TWF2: variants seen among roughly 807,000 people sequenced by gnomAD.
The protein encoded by TWF2 is twinfilin actin binding protein 2, also known as twinfilin-2.
A neutral mutation model predicts 45.1 loss-of-function variants in TWF2; 15 were observed. The ratio of observed to expected loss-of-function variants is 0.33; its 90% CI spans 0.22 to 0.51. The LOEUF (loss-of-function observed/expected upper bound fraction) is 0.51, where lower values mean the gene tolerates loss of function less well. Among genes scored for constraint, TWF2 ranks in the 20% least tolerant of loss-of-function variants. The pLI is 0.97. For synonymous variants in TWF2, 177 were observed against 195.8 expected (o/e 0.90, Z 0.80); for missense variants, 423 against 469.1 (o/e 0.90, Z 0.91).
chr3:52,238,546 T>C (rs1427064862), intron 1 of TWF2, among the ~76,000 whole-genome samples: 3 of 152,158 alleles, frequency 2.0e-5, no homozygotes, highest in African/African-American at 7.2e-5. Context: ...AACACTGATG[T>C]CTAAAGAGGG....
At chr3:52,229,512 C>T (rs1699657759) in intron 8 of TWF2, 149 bp downstream of exon 8, 1 of 1,348,924 alleles carries the variant, frequency 7.4e-7, no homozygotes, top group East Asian at 2.4e-5. Flanking sequence ...AGCCTTGGGC[C>T]ATGCGTGTTG....
chr3:52,238,803 C>T (rs1699751969), intron 1 of TWF2, among the ~76,000 whole-genome samples, 189 bp downstream of exon 1: 1 of 152,248 alleles, frequency 6.6e-6, no homozygotes, highest in Admixed American at 6.5e-5. Context: ...CACATACACC[C>T]ACTCCCAGCT....
chr3:52,231,815 C>T lies in TWF2; in HGVS notation c.282+129G>A, dbSNP rs145600833. The stretch of plus-strand genomic sequence containing the variant: ...ACCCTCTCTCAGACTCCCTAGGGCA[C>T]GGCCTGACAGCTCTTCCCCCACCCT... On this transcript the variant is annotated intron_variant, in intron 3 of 8. Transcript: ENST00000305533. 50 of 1,358,734 alleles carry T rather than the reference C, an allele frequency of 3.7e-5. No homozygotes were observed. The African/African-American group carries it at 4.4e-4, about 12-fold the overall frequency. 84.2% of individuals were successfully genotyped at this position (1,358,734 alleles called of 1,614,324 possible).
chr3:52,237,105 C>A (rs970100427), intron 1 of TWF2, among the ~76,000 whole-genome samples: 3 of 152,176 alleles, frequency 2.0e-5, no homozygotes, highest in African/African-American at 7.2e-5. Flanking sequence ...CCTGCCCAGA[C>A]CTTCCCAGAA....
intron 3 of TWF2, 134 bp downstream of exon 3, chr3:52,231,810 G>A (rs1027414571): frequency 5.6e-5 from 75 of 1,334,136 alleles, no homozygotes; most frequent in Middle Eastern, 2.0e-4. Flanking sequence ...AGACTCCCTA[G>A]GGCACGGCCT....
intron 1 of TWF2, among the ~76,000 whole-genome samples, chr3:52,238,434 C>CA (rs1297636164): frequency 6.6e-6 from 1 of 152,234 alleles, no homozygotes; most frequent in Non-Finnish European, 1.5e-5. Context: ...CCATTCAAGT[C>CA]AGACACATGC....
chr3:52,239,135 T>C lies in TWF2; in HGVS notation c.-119A>G, dbSNP rs1308642085. On this transcript the variant is annotated 5_prime_UTR_variant, in exon 1 of 9. Transcript: ENST00000305533. ...CGGAGGCTGTCGACCCTCGCGCAGC[T>C]TCCCGGGCGGTGCCGCAGGACCCGC... The C allele has an allele frequency of 4.7e-6, 6 of 1,288,234 alleles. No homozygotes were observed. Among genetic ancestry groups the C allele is most frequent in the Non-Finnish European group, 6.0e-6 (6 of 993,348 alleles). 79.8% of individuals were successfully genotyped at this position (1,288,234 alleles called of 1,614,324 possible). A position where few individuals can be genotyped will look rare whatever the true frequency, so the allele number is the denominator to read the frequency against.
chr3:52,233,774 C>T (rs546465845), intron 2 of TWF2, among the ~76,000 whole-genome samples: 22 of 152,010 alleles, frequency 1.4e-4, no homozygotes, highest in Admixed American at 9.8e-4. Context: ...ATTAGCCGGG[C>T]GCAGTGGTGG....
Position 52,229,637 on chromosome 3 carries a change from T to A in TWF2, c.882+24A>T, listed in dbSNP as rs747523490. On this transcript the variant is annotated intron_variant, in intron 8 of 8. Transcript: ENST00000305533. ...ATTGGAGTGATAGGGCCTGGGGAGGTGAGGCCCTGGGGAGGGCGCCTACTT... is the reference window on the plus strand; with the variant it reads ...ATTGGAGTGATAGGGCCTGGGGAGGAGAGGCCCTGGGGAGGGCGCCTACTT... The A allele has an allele frequency of 3.7e-6, 6 of 1,611,498 alleles. No individual in the cohort carries two copies. The Admixed American group carries it at 1.0e-4, about 27-fold the overall frequency.
At chr3:52,234,150 G>A (rs1305044375) in intron 2 of TWF2, among the ~76,000 whole-genome samples, 2 of 152,122 alleles carry the variant, frequency 1.3e-5, no homozygotes, top group African/African-American at 4.8e-5. Context: ...ACCTGGAATG[G>A]CAGATCCTGC....
intron 1 of TWF2, among the ~76,000 whole-genome samples, chr3:52,238,495 C>A (rs886889930): frequency 1.3e-5 from 2 of 152,174 alleles, no homozygotes; most frequent in African/African-American, 4.8e-5. Flanking sequence ...TCCAACTGTG[C>A]ACACACACAG....
In TWF2 at chr3:52,228,967, G is replaced by A. The variant is rs1282844196; in HGVS notation, c.*67C>T. ...CACTTTCCTGGAGCCCAGGAAGGAG[G>A]ATGGTGGCAGGGAGCGGAAGGTGGG... is the stretch of plus-strand genomic sequence containing the variant. On this transcript the variant is annotated 3_prime_UTR_variant, in exon 9 of 9. Transcript: ENST00000305533. 3 of 1,557,102 alleles carry A rather than the reference G, an allele frequency of 1.9e-6. No homozygotes were observed. Among genetic ancestry groups the A allele is most frequent in the Admixed American group, 3.7e-5 (2 of 54,126 alleles).
Position 52,229,790 on chromosome 3 carries a change from G to C in TWF2, c.761-8C>G. ...GCATGGAGTAGATGAACACTGTTGG[G>C]GGGCAGGAGGTGAGCCTGGGAGGCC... On this transcript the variant is annotated splice_polypyrimidine_tract_variant and splice_region_variant and intron_variant, in intron 7 of 8. Coordinates refer to ENST00000305533, the MANE Select transcript of TWF2 (RefSeq NM_007284.4). 1.2e-6 allele frequency: 2 copies of C among 1,608,098 alleles called. No homozygotes were observed. The highest frequency in any genetic ancestry group is 1.7e-5 in the Admixed American group (1 of 59,924).
intron 7 of TWF2, 38 bp downstream of exon 7, chr3:52,229,882 C>T (rs1577984430): frequency 6.3e-7 from 1 of 1,596,298 alleles, no homozygotes; most frequent in African/African-American, 1.3e-5. Context: ...CTGCTCCCAC[C>T]CAGCCACAGG....
At position 52,229,564 on chromosome 3, in the gene TWF2, C is replaced by T. The variant is rs1038691351; in HGVS notation, c.882+97G>A. On this transcript the variant is annotated intron_variant, in intron 8 of 8. Coordinates refer to ENST00000305533, the MANE Select transcript of TWF2 (RefSeq NM_007284.4). ...TGCCCTATGATCAACACGACAGCAA[C>T]GATTCCTGCTCTGCCGTCATCTCAG... 8.4e-6 allele frequency: 13 copies of T among 1,540,282 alleles called. No individual in the cohort carries two copies. The South Asian group carries it at 8.6e-5, about 10-fold the overall frequency.
chr3:52,232,364 C>CA, intron 2 of TWF2: 6 of 539,820 alleles, frequency 1.1e-5, no homozygotes, highest in East Asian at 3.2e-5. Context: ...ACACACCCCC[C>CA]CACACACACA....
chr3:52,238,415 T>A (rs1006551178), intron 1 of TWF2, among the ~76,000 whole-genome samples: 1 of 152,072 alleles, frequency 6.6e-6, no homozygotes, highest in Admixed American at 6.5e-5. Context: ...CTAACACACA[T>A]AAACAAGCCC....
chr3:52,229,719 C>A lies in TWF2; in HGVS notation c.824G>T (p.Cys275Phe). 1 of 1,613,374 alleles carries A rather than the reference C, an allele frequency of 6.2e-7. No individual in the cohort carries two copies. The highest frequency in any genetic ancestry group is 8.5e-7 in the Non-Finnish European group (1 of 1,180,012). ...CACGGAGTCGAGGAGGCGGCTCTTG[C>A]AGCTGGAGTAGAGCATTCGCTCCTT... ...SIKERMLYSSCKSRLLDSVEQ... is the reference protein window; with the variant it reads ...SIKERMLYSSFKSRLLDSVEQ... Residue 275 changes from cysteine (C) to phenylalanine (F), a missense_variant, in exon 8 of 9, where the codon TGC becomes TTC. By Grantham distance (205) the Cys-to-Phe change is radical. Transcript: ENST00000305533.
Position 52,232,321 on chromosome 3 carries a change from G to A in TWF2, c.104-199C>T. 4 of 666,966 alleles carry A rather than the reference G, an allele frequency of 6.0e-6. No homozygotes were observed. The South Asian group carries it at 8.0e-5, about 13-fold the overall frequency. The allele number at this position is 666,966 out of a possible 1,614,324, so 41.3% of individuals were successfully genotyped here. On this transcript the variant is annotated intron_variant, in intron 2 of 8. Transcript: ENST00000305533. ...AGGGAAGGCACAAAGCTGCCACCTG[G>A]GGGCTGCCCCCCTGCACATCCCCAG... is the stretch of plus-strand genomic sequence containing the variant.
Sources: allele counts gnomAD v4.1 joint callset (sites outside exome capture counted in the v4.1 genomes callset), GRCh38; gene constraint gnomAD v4.1.1; transcripts MANE v1.5; gene names NCBI Gene and HGNC (gene_info 2026-07-23, HGNC 2026-07-21).